The following SPAG16 variants were observed in gnomAD, a reference collection of about 807,000 sequenced individuals.
SPAG16 encodes the protein sperm-associated antigen 16 protein.
A neutral mutation model predicts 80.4 loss-of-function variants in SPAG16; 86 were observed. The ratio of observed to expected loss-of-function variants is 1.07; its 90% CI spans 0.90 to 1.28. The LOEUF (loss-of-function observed/expected upper bound fraction) is 1.28. Ranked by LOEUF, SPAG16 falls within the 50% of genes most tolerant of loss-of-function variation. SPAG16 has a pLI of 0.00. For synonymous variants in SPAG16, 294 were observed against 265.9 expected, an observed-to-expected ratio of 1.11 and a Z score of -1.03; for missense variants, 870 against 765.3, an observed-to-expected ratio of 1.14 and a Z score of -1.61.
chr2:214,052,718 G>A (rs1348652425), intron 13 of SPAG16, among the ~76,000 whole-genome samples: 1 of 152,086 alleles, frequency 6.6e-6, no homozygotes, highest in Non-Finnish European at 1.5e-5. Context: ...CCCTGTATAT[G>A]CTGATACCCA....
At chr2:214,042,153 T>C (rs2049069111) in intron 13 of SPAG16, among the ~76,000 whole-genome samples, 1 of 151,216 alleles carries the variant, frequency 6.6e-6, no homozygotes, top group Non-Finnish European at 1.5e-5. Flanking sequence ...TGGCACGATC[T>C]TGAATTACTG....
chr2:214,004,415 C>T (rs1044630013), intron 12 of SPAG16, among the ~76,000 whole-genome samples: 2 of 152,104 alleles, frequency 1.3e-5, no homozygotes, highest in African/African-American at 4.8e-5. Flanking sequence ...CAAGCTGTTC[C>T]TCCTGATATT....
At chr2:213,603,596 A>G (rs1464625562) in intron 10 of SPAG16, among the ~76,000 whole-genome samples, 1 of 152,218 alleles carries the variant, frequency 6.6e-6, no homozygotes, top group East Asian at 1.9e-4. Context: ...ATCCACATAG[A>G]ACCATTTATT....
chr2:213,666,823 A>T (rs954274224), intron 10 of SPAG16, among the ~76,000 whole-genome samples: 3 of 152,218 alleles, frequency 2.0e-5, no homozygotes, highest in Non-Finnish European at 2.9e-5. Flanking sequence ...AGGAAAGTGC[A>T]GGAGTTCAGA....
chr2:213,370,953 T>C (rs754042505), intron 8 of SPAG16, among the ~76,000 whole-genome samples: 1 of 152,374 alleles, frequency 6.6e-6, no homozygotes, highest in South Asian at 2.1e-4. Flanking sequence ...ATTTAAATCC[T>C]GTACTGAATA....
chr2:214,290,235 T>C (rs76358867), intron 15 of SPAG16, among the ~76,000 whole-genome samples: 20,429 of 152,176 alleles, frequency 0.13, 1,817 homozygotes, highest in Non-Finnish European at 0.2. Context: ...TCTGATGATC[T>C]TTTGTATTTT....
At chr2:214,254,517 C>G (rs1049928010) in intron 15 of SPAG16, among the ~76,000 whole-genome samples, 3 of 151,568 alleles carry the variant, frequency 2.0e-5, no homozygotes, top group African/African-American at 7.3e-5. Context: ...TTTAGGCGGG[C>G]TGTATATCTT....
chr2:214,213,728 A>G (rs996722338), intron 15 of SPAG16, among the ~76,000 whole-genome samples: 1 of 152,212 alleles, frequency 6.6e-6, no homozygotes, highest in Non-Finnish European at 1.5e-5. Flanking sequence ...CATGTATTCA[A>G]AAAAAGAACT....
Position 213,375,051 on chromosome 2 carries a change from A to G in SPAG16, c.874A>G (p.Thr292Ala), listed in dbSNP as rs1372759318. The change falls in exon 9 of 16, where the codon ACT (threonine) becomes GCT (alanine). Residue 292 changes from threonine (T) to alanine (A), a missense_variant. Thr to Ala is a moderately conservative substitution (Grantham distance 58, BLOSUM62 0). Transcript: ENST00000331683. ...AAAAGAAAATGCACCAGAAGGTCCT[A>G]CTCAGAAAGGTCTTCGTGAAGCCAG... is the stretch of plus-strand genomic sequence containing the variant. ...REKENAPEGP[T>A]QKGLREAREQ... 6.2e-7 allele frequency: 1 copy of G among 1,610,782 alleles called. No homozygotes were observed. The highest frequency in any genetic ancestry group is 1.7e-5 in the Admixed American group (1 of 59,232).
intron 12 of SPAG16, 149 bp from the exon 13 acceptor site, chr2:214,013,802 A>G (rs1157507269): frequency 1.1e-5 from 7 of 666,586 alleles, no homozygotes; most frequent in Middle Eastern, 4.3e-4. Flanking sequence ...TAAGGTAGCT[A>G]TAGAATTTTA....
At chr2:213,376,866 T>C (rs921166153) in intron 9 of SPAG16, among the ~76,000 whole-genome samples, 1 of 152,188 alleles carries the variant, frequency 6.6e-6, no homozygotes, top group Admixed American at 6.5e-5. Context: ...TAACTAGAAC[T>C]GTAGAGGAGG....
chr2:214,205,598 A>T (rs886626317), intron 15 of SPAG16, among the ~76,000 whole-genome samples: 9 of 152,158 alleles, frequency 5.9e-5, no homozygotes, highest in Non-Finnish European at 1.0e-4. Flanking sequence ...AGCACATCTC[A>T]CCTAAAGATA....
chr2:213,537,163 G>A (rs2076279864), intron 10 of SPAG16, among the ~76,000 whole-genome samples: 2 of 116,784 alleles, frequency 1.7e-5, no homozygotes, highest in Non-Finnish European at 3.4e-5. Flanking sequence ...GGACTGTTGC[G>A]GGGTGGGGGG....
At chr2:213,765,611 G>GTA (rs2068897912) in intron 10 of SPAG16, among the ~76,000 whole-genome samples, 1 of 152,028 alleles carries the variant, frequency 6.6e-6, no homozygotes, top group African/African-American at 2.4e-5. Flanking sequence ...GTGTGTGTGT[G>GTA]TGTTATTTAC....
At chr2:213,326,668 A>C (rs2063855832) in intron 5 of SPAG16, among the ~76,000 whole-genome samples, 1 of 152,024 alleles carries the variant, frequency 6.6e-6, no homozygotes, top group South Asian at 2.1e-4. Context: ...CTATTATCAG[A>C]AATTACTTTG....
intron 11 of SPAG16, among the ~76,000 whole-genome samples, chr2:213,907,499 G>A (rs2077478288): frequency 6.6e-6 from 1 of 150,834 alleles, no homozygotes; most frequent in Non-Finnish European, 1.5e-5. Flanking sequence ...TCTAAAAATA[G>A]AACTGCCATA....
rs78587285 is a variant in SPAG16, at chr2:213,732,755, C to T, written c.1071-129730C>T. Reference sequence around the variant, plus strand: ...TGTGTTATCTGTGATTTTTTTTGAGCAGTGATTTATAGTTCTCCTTGAAGA... The same window carrying T: ...TGTGTTATCTGTGATTTTTTTTGAGTAGTGATTTATAGTTCTCCTTGAAGA... On this transcript the variant is annotated intron_variant, in intron 10 of 15. Transcript: ENST00000331683. Among the ~76,000 whole-genome samples the T allele has an allele frequency of 2.7e-3, 408 of 152,134 alleles. 3 individuals are homozygous for T. The highest frequency in any genetic ancestry group is 9.2e-3 in the African/African-American group (381 of 41,514).
intron 15 of SPAG16, among the ~76,000 whole-genome samples, chr2:214,339,628 AT>A (rs140353004): frequency 0.027 from 4,038 of 152,302 alleles, 186 homozygotes; most frequent in African/African-American, 0.09. Flanking sequence ...AAACATGCTT[AT>A]TTGTTCTTAC....
chr2:213,310,227 A>G (rs1559396137), intron 4 of SPAG16, 50 bp downstream of exon 4: 2 of 1,306,794 alleles, frequency 1.5e-6, no homozygotes, highest in Admixed American at 1.9e-5. Context: ...AACATTTAAC[A>G]TATACACTTT....
Sources: allele counts gnomAD v4.1 joint callset (sites outside exome capture counted in the v4.1 genomes callset), GRCh38; gene constraint gnomAD v4.1.1; transcripts MANE v1.5; gene names NCBI Gene and HGNC (gene_info 2026-07-23, HGNC 2026-07-21).